GDPD2: variants seen among roughly 807,000 people sequenced by gnomAD.
The protein encoded by GDPD2 is glycerophosphodiester phosphodiesterase domain containing 2.
In GDPD2, 23 loss-of-function variants were observed where a neutral mutation model predicts 49.2. The observed-to-expected ratio is 0.47, with a 90% CI of 0.34 to 0.66. The LOEUF (loss-of-function observed/expected upper bound fraction) is 0.66, where lower values mean the gene tolerates loss of function less well. GDPD2 is among the 30% of genes least tolerant of loss of function. GDPD2 has a pLI of 0.01. For missense variants in GDPD2, 338 were observed against 424.7 expected (o/e 0.80, Z 1.79); for synonymous variants, 167 against 171.4 (o/e 0.97, Z 0.20).
chrX:70,423,705 G>C (rs2086397600), intron 1 of GDPD2, among the ~76,000 whole-genome samples: 1 of 111,083 alleles, frequency 9.0e-6, no homozygotes, highest in Admixed American at 9.5e-5. Flanking sequence ...TCTCGTAGAG[G>C]GGAGGGGTTT....
chrX:70,431,989 G>A (rs2086481788), intron 12 of GDPD2, among the ~76,000 whole-genome samples: 1 of 112,319 alleles, frequency 8.9e-6, no homozygotes, highest in African/African-American at 3.2e-5. Flanking sequence ...AATGATAAGA[G>A]TAATGGCTGA....
chrX:70,423,895 G>A (rs956161056), intron 1 of GDPD2, among the ~76,000 whole-genome samples: 2 of 111,518 alleles, frequency 1.8e-5, no homozygotes, highest in East Asian at 2.8e-4. Context: ...CCCTCAGCCC[G>A]CACGCACACA....
chrX:70,426,283 C>T (rs1602833917), intron 5 of GDPD2, 88 bp from the exon 6 acceptor site: 5 of 840,999 alleles, frequency 5.9e-6, no homozygotes, highest in East Asian at 3.3e-5. Flanking sequence ...AGGGAAGGGT[C>T]GGGTCCCATC....
rs868710822 is a variant in GDPD2, at chrX:70,425,493, C to A, written c.209+36C>A. 1.3e-5 allele frequency: 12 copies of A among 939,782 alleles called. No individual in the cohort carries two copies. In the Middle Eastern group the frequency reaches 2.2e-3, roughly 169 times the overall value. 77.4% of individuals were successfully genotyped at this position (939,782 alleles called of 1,213,427 possible). ...GATTCCCCCTGCTTCCCCAGCATAC[C>A]TGTCAACCTGCTCCCCACCCTGGGA... On this transcript the variant is annotated intron_variant, in intron 3 of 15. Transcript: ENST00000374382.
At chrX:70,427,625 G>A (rs779165898) in intron 10 of GDPD2, 162 bp downstream of exon 10, 26 of 425,222 alleles carry the variant, frequency 6.1e-5, no homozygotes, top group African/African-American at 5.6e-4. Context: ...GGCAGCAGAC[G>A]ATTCAGGAAA....
chrX:70,427,640 G>A, intron 10 of GDPD2, 177 bp downstream of exon 10: 1 of 410,959 alleles, frequency 2.4e-6, no homozygotes, highest in East Asian at 3.8e-5. Context: ...AGGAAACCCA[G>A]AGCAATAAAA....
chrX:70,429,552 T>A lies in GDPD2; in HGVS notation c.996T>A (p.Ser332Arg), dbSNP rs772673510. 8.3e-7 allele frequency: 1 copy of A among 1,207,282 alleles called. No homozygotes were observed. Among genetic ancestry groups the A allele is most frequent in the African/African-American group, 1.8e-5 (1 of 57,127 alleles). The change falls in exon 11 of 16, where the codon AGT becomes AGA. Residue 332 changes from serine to arginine, a missense_variant. By Grantham distance (110) the Ser-to-Arg change is moderately radical. Coordinates refer to ENST00000374382, the MANE Select transcript of GDPD2 (RefSeq NM_017711.4). ...LAGPDQKEAESQTVPALEELL... is the reference protein window; with the variant it reads ...LAGPDQKEAERQTVPALEELL... ...GCCCTGATCAGAAAGAGGCTGAGAG[T>A]CAGACGGTACCAGCATTAGAAGAGC...
intron 2 of GDPD2, 96 bp downstream of exon 2, chrX:70,425,185 G>A: frequency 1.5e-6 from 1 of 680,636 alleles, no homozygotes; most frequent in South Asian, 2.5e-5. Flanking sequence ...CAGCTTGGGG[G>A]AAGGGGCTCT....
intron 2 of GDPD2, 46 bp downstream of exon 2, chrX:70,425,135 G>T (rs200231307): frequency 1.1e-6 from 1 of 943,911 alleles, no homozygotes; most frequent in South Asian, 2.1e-5. Context: ...GAAGGCAGAG[G>T]CTCACTGGAG....
In GDPD2 at chrX:70,426,977, A is replaced by T; in HGVS notation, c.668A>T (p.Lys223Met). The T allele has an allele frequency of 8.3e-7, 1 of 1,209,496 alleles. No individual in the cohort carries two copies. Among genetic ancestry groups the T allele is most frequent in the Non-Finnish European group, 1.1e-6 (1 of 894,436 alleles). Residue 223 changes from lysine (K) to methionine (M), a missense_variant, in exon 8 of 16, where the codon AAG (lysine) becomes ATG (methionine). Coordinates refer to ENST00000374382, the MANE Select transcript of GDPD2 (RefSeq NM_017711.4). ...CIMEPRDLPP[K>M]PGLVGHRGAP... ...ATGGAACCCAGAGACTTACCACCCA[A>T]GCCTGGGCTGGTGGGACACCGAGGG...
At chrX:70,429,161 G>A (rs1201967628) in intron 10 of GDPD2, among the ~76,000 whole-genome samples, 1 of 111,708 alleles carries the variant, frequency 9.0e-6, no homozygotes, top group Non-Finnish European at 1.9e-5. Context: ...AGTTCAAGCT[G>A]TGGATGGACC....
At position 70,429,911 on chromosome X, in the gene GDPD2, A is replaced by G; in HGVS notation, c.1159-4A>G. ...GCTTCACACCCATCCTTCCTGAACC[A>G]CAGGTCTTTTGGCTACCAGATGAAG... is the stretch of plus-strand genomic sequence containing the variant. On this transcript the variant is annotated splice_region_variant and splice_polypyrimidine_tract_variant and intron_variant, in intron 11 of 15. Coordinates refer to ENST00000374382, the MANE Select transcript of GDPD2 (RefSeq NM_017711.4). 8.3e-7 allele frequency: 1 copy of G among 1,211,220 alleles called. No homozygotes were observed. Among genetic ancestry groups the G allele is most frequent in the Non-Finnish European group, 1.1e-6 (1 of 894,917 alleles).
In GDPD2 at chrX:70,426,700, C is replaced by T. The variant is rs778249845; in HGVS notation, c.515C>T (p.Ala172Val). The T allele has an allele frequency of 8.3e-7, 1 of 1,209,273 alleles. No individual in the cohort carries two copies. Among genetic ancestry groups the T allele is most frequent in the Admixed American group, 2.2e-5 (1 of 46,037 alleles). Residue 172 changes from alanine to valine, a missense_variant, in exon 7 of 16, where the codon GCC becomes GTC. By Grantham distance (64) the Ala-to-Val change is moderately conservative. Around this residue, in one of 3 missense-constraint regions of GDPD2, gnomAD observed 253 missense variants for 330.4 expected, o/e 0.77. Coordinates refer to ENST00000374382, the MANE Select transcript of GDPD2 (RefSeq NM_017711.4). The part of the protein sequence containing the change: ...IGAAAGIALL[A>V]WPVADTFYRI... Reference sequence around the variant, plus strand: ...GCAGCCGCTGGAATTGCCCTCCTGGCCTGGCCTGTGGCTGATACCTTCTAC... The same window carrying T: ...GCAGCCGCTGGAATTGCCCTCCTGGTCTGGCCTGTGGCTGATACCTTCTAC...
At chrX:70,427,739 G>A (rs2086439109) in intron 10 of GDPD2, 3 of 254,821 alleles carry the variant, frequency 1.2e-5, no homozygotes, top group East Asian at 6.6e-5. Context: ...CAGGGAACAG[G>A]AACTCCTTCA....
In GDPD2 at chrX:70,429,482, C is replaced by A. The variant is rs2086455421; in HGVS notation, c.937-11C>A. 4.4e-6 allele frequency: 5 copies of A among 1,142,555 alleles called. No homozygotes were observed. The East Asian group carries it at 1.2e-4, about 27-fold the overall frequency. The allele number at this position is 1,142,555 out of a possible 1,213,427, so 94.2% of individuals were successfully genotyped here. On this transcript the variant is annotated splice_polypyrimidine_tract_variant and intron_variant, in intron 10 of 15. Transcript: ENST00000374382. ...CTCTTCTGGTCTTGAAATAATTGTT[C>A]TTTCTTATAGAGGCGACCCTTCTGG...
At position 70,425,747 on chromosome X, in the gene GDPD2, C is replaced by T. The variant is rs755080253; in HGVS notation, c.210-16C>T. ...CCCCTTCCCCCACTTGGACACCTCC[C>T]TCTCCCCTCCCACAGATTCCTCTTC... On this transcript the variant is annotated splice_polypyrimidine_tract_variant and intron_variant, in intron 3 of 15. Transcript: ENST00000374382. The T allele has an allele frequency of 9.2e-7, 1 of 1,087,455 alleles. No individual in the cohort carries two copies. The highest frequency in any genetic ancestry group is 1.8e-5 in the African/African-American group (1 of 55,358). 89.6% of individuals were successfully genotyped at this position (1,087,455 alleles called of 1,213,427 possible).
Position 70,429,542 on chromosome X carries a change from AG to A in GDPD2, c.988del (p.Ala330LeufsTer9). ...AKPLAGPDQK[E>X]AESQTVPALE... ...CCGCTGGCAGGCCCTGATCAGAAAG[AG>A]GCTGAGAGTCAGACGGTACCAGCAT... On this transcript the variant is annotated frameshift_variant, in exon 11 of 16. Coordinates refer to ENST00000374382, the MANE Select transcript of GDPD2 (RefSeq NM_017711.4). LOFTEE classifies it high-confidence loss of function. The A allele has an allele frequency of 8.3e-7, 1 of 1,209,228 alleles. No homozygotes were observed. Among genetic ancestry groups the A allele is most frequent in the Non-Finnish European group, 1.1e-6 (1 of 893,101 alleles).
intron 1 of GDPD2, among the ~76,000 whole-genome samples, chrX:70,423,897 A>C (rs2086399196): frequency 9.0e-6 from 1 of 111,675 alleles, no homozygotes; most frequent in African/African-American, 3.3e-5. Context: ...CTCAGCCCGC[A>C]CGCACACATG....
Position 70,426,885 on chromosome X carries a change from G to T in GDPD2, c.576G>T (p.Leu192=). 1 of 1,210,511 alleles carries T rather than the reference G, an allele frequency of 8.3e-7. No homozygotes were observed. The highest frequency in any genetic ancestry group is 1.1e-6 in the Non-Finnish European group (1 of 894,460). Reference sequence around the variant, plus strand: ...CCACAGGTCCCAAGATTCTGCTACTGCTCCTATTTTTTGGAGTTGTCCTGG... The same window carrying T: ...CCACAGGTCCCAAGATTCTGCTACTTCTCCTATTTTTTGGAGTTGTCCTGG... The part of the protein sequence containing the change: ...IHRRGPKILL[L]LLFFGVVLVI... The change falls in exon 8 of 16, where the codon CTG becomes CTT. Residue 192 remains leucine (L), a synonymous_variant. Coordinates refer to ENST00000374382, the MANE Select transcript of GDPD2 (RefSeq NM_017711.4).
Sources: gnomAD v4.1 joint callset for allele counts (sites outside exome capture counted in the v4.1 genomes callset) on GRCh38, gnomAD v4.1.1 for gene constraint, gnomAD v4.1.1 regional missense constraint, MANE v1.5 for transcripts, NCBI Gene and HGNC (gene_info 2026-07-23, HGNC 2026-07-21) for gene names.